Variants in RABGAP1L observed in about 807,000 individuals in gnomAD.
The protein encoded by RABGAP1L is RAB GTPase activating protein 1 like, also known as rab GTPase-activating protein 1-like.
A neutral mutation model predicts 137.7 loss-of-function variants in RABGAP1L; 63 were observed. The ratio of observed to expected loss-of-function variants is 0.46; its 90% CI spans 0.37 to 0.56. The LOEUF is 0.56. Ranked by LOEUF, RABGAP1L falls within the 20% of genes least tolerant of loss-of-function variation. The pLI is 0.00. For synonymous variants in RABGAP1L, 431 were observed against 433.7 expected, an observed-to-expected ratio of 0.99 and a Z score of 0.08; for missense variants, 1,095 against 1,244.0, an observed-to-expected ratio of 0.88 and a Z score of 1.80.
At chr1:174,800,652 C>T (rs1249842802) in intron 18 of RABGAP1L, among the ~76,000 whole-genome samples, 1 of 152,176 alleles carries the variant, frequency 6.6e-6, no homozygotes, top group African/African-American at 2.4e-5. Context: ...CACTGTTGTG[C>T]AGCTCATTTG....
chr1:174,318,765 G>A (rs1280090281), intron 11 of RABGAP1L, among the ~76,000 whole-genome samples: 2 of 144,858 alleles, frequency 1.4e-5, no homozygotes, highest in Admixed American at 1.4e-4. Flanking sequence ...CTATACTTTT[G>A]CATTGTGATT....
intron 13 of RABGAP1L, among the ~76,000 whole-genome samples, chr1:174,602,427 T>G (rs1670483874): frequency 6.6e-6 from 1 of 152,152 alleles, no homozygotes; most frequent in Non-Finnish European, 1.5e-5. Context: ...TTATTCACTC[T>G]GCAAGAATAG....
At chr1:174,406,802 C>T (rs75446661) in intron 13 of RABGAP1L, among the ~76,000 whole-genome samples, 3,064 of 152,070 alleles carry the variant, frequency 0.02, 109 homozygotes, top group African/African-American at 0.071. Flanking sequence ...TACAGCCACT[C>T]GGGAGGCTGA....
chr1:174,505,108 AT>A (rs1479179212), intron 13 of RABGAP1L, among the ~76,000 whole-genome samples: 1 of 152,206 alleles, frequency 6.6e-6, no homozygotes, highest in Non-Finnish European at 1.5e-5. Context: ...ATATAAAAAA[AT>A]GTTCAGTGCT....
At chr1:174,291,870 C>T (rs12081444) in intron 10 of RABGAP1L, among the ~76,000 whole-genome samples, 7,099 of 151,386 alleles carry the variant, frequency 0.047, 522 homozygotes, top group African/African-American at 0.16. Flanking sequence ...TTGACATTTT[C>T]CCTCCAAAGA....
chr1:174,409,413 C>G (rs374867872), intron 13 of RABGAP1L, among the ~76,000 whole-genome samples: 1 of 152,074 alleles, frequency 6.6e-6, no homozygotes, highest in Non-Finnish European at 1.5e-5. Context: ...TACATCACTT[C>G]GGGAGCACTA....
chr1:174,467,297 G>A (rs1363784249), intron 13 of RABGAP1L, among the ~76,000 whole-genome samples: 3 of 151,784 alleles, frequency 2.0e-5, no homozygotes, highest in Admixed American at 6.6e-5. Flanking sequence ...TGTCTTCTCT[G>A]TAGTCATTTA....
intron 18 of RABGAP1L, among the ~76,000 whole-genome samples, chr1:174,775,061 C>T (rs1294215362): frequency 2.0e-5 from 3 of 152,106 alleles, no homozygotes; most frequent in African/African-American, 7.2e-5. Flanking sequence ...ATGTTGTCCT[C>T]ATGTACATGG....
At chr1:174,803,123 A>G (rs1688912408) in intron 18 of RABGAP1L, among the ~76,000 whole-genome samples, 1 of 152,136 alleles carries the variant, frequency 6.6e-6, no homozygotes, top group Admixed American at 6.5e-5. Flanking sequence ...TTACCAAGAT[A>G]GTGTTGTGGA....
intron 3 of RABGAP1L, among the ~76,000 whole-genome samples, chr1:174,224,741 A>G (rs552434684): frequency 4.6e-5 from 7 of 152,308 alleles, no homozygotes; most frequent in Non-Finnish European, 8.8e-5. Context: ...TTCAACAGCC[A>G]TACGTATATT....
At chr1:174,405,803 C>A (rs1649190538) in intron 13 of RABGAP1L, among the ~76,000 whole-genome samples, 1 of 151,890 alleles carries the variant, frequency 6.6e-6, no homozygotes, top group African/African-American at 2.4e-5. Context: ...CATGGTGAAA[C>A]CCTGTCTCTA....
At chr1:174,838,667 C>T (rs925060374) in intron 19 of RABGAP1L, among the ~76,000 whole-genome samples, 15 of 152,088 alleles carry the variant, frequency 9.9e-5, no homozygotes, top group African/African-American at 1.9e-4. Flanking sequence ...CTGTGGCTCA[C>T]GCTTGTAATC....
intron 13 of RABGAP1L, among the ~76,000 whole-genome samples, chr1:174,406,896 C>T (rs954663339): frequency 1.3e-5 from 2 of 152,156 alleles, no homozygotes; most frequent in African/African-American, 4.8e-5. Flanking sequence ...CCCACAATTA[C>T]TTTTGCATCA....
At chr1:174,699,454 T>C in intron 15 of RABGAP1L, 71 bp from the exon 16 acceptor site, 1 of 1,457,186 alleles carries the variant, frequency 6.9e-7, no homozygotes, top group Non-Finnish European at 9.3e-7. Flanking sequence ...ACTAATAACA[T>C]GAAGGAACTT....
At chr1:174,940,838 T>G (rs1223675949) in intron 19 of RABGAP1L, among the ~76,000 whole-genome samples, 3 of 152,260 alleles carry the variant, frequency 2.0e-5, no homozygotes, top group Non-Finnish European at 4.4e-5. Context: ...CCAGAATGGA[T>G]GCAAACATCT....
At chr1:174,812,164 C>A (rs945722960) in intron 19 of RABGAP1L, among the ~76,000 whole-genome samples, 3 of 152,132 alleles carry the variant, frequency 2.0e-5, no homozygotes, top group Non-Finnish European at 2.9e-5. Context: ...AGTTGGCAGG[C>A]TCAGATTATA....
At chr1:174,180,259 A>C (rs1666240290) in intron 1 of RABGAP1L, among the ~76,000 whole-genome samples, 1 of 152,066 alleles carries the variant, frequency 6.6e-6, no homozygotes, top group Non-Finnish European at 1.5e-5. Flanking sequence ...TTGAACCCTG[A>C]CTCCACTGTT....
At chr1:174,611,597 T>A (rs1361722147) in intron 13 of RABGAP1L, among the ~76,000 whole-genome samples, 1 of 150,522 alleles carries the variant, frequency 6.6e-6, no homozygotes, top group Non-Finnish European at 1.5e-5. Context: ...GTGAAGAAAG[T>A]CATTGGTAGC....
At chr1:174,378,556 A>C (rs1352790875) in intron 12 of RABGAP1L, among the ~76,000 whole-genome samples, 1 of 151,922 alleles carries the variant, frequency 6.6e-6, no homozygotes, top group African/African-American at 2.4e-5. Flanking sequence ...GCATTTTTTC[A>C]TGTGTTTTTT....
Sources: allele counts gnomAD v4.1 joint callset (sites outside exome capture counted in the v4.1 genomes callset), GRCh38; gene constraint gnomAD v4.1.1; transcripts MANE v1.5; gene names NCBI Gene and HGNC (gene_info 2026-07-23, HGNC 2026-07-21).